The following PER2 variants were observed in gnomAD, a reference collection of about 807,000 sequenced individuals.
PER2 encodes period circadian regulator 2, also known as period circadian protein homolog 2.
Under a neutral mutation model 121.0 loss-of-function variants are expected in PER2, and 66 were observed. The ratio of observed to expected loss-of-function variants is 0.55; its 90% confidence interval spans 0.45 to 0.67. The LOEUF (loss-of-function observed/expected upper bound fraction) is 0.67, where lower values mean the gene tolerates loss of function less well. Among genes scored for constraint, PER2 ranks in the 30% least tolerant of loss-of-function variants. The pLI is 0.00. For synonymous variants in PER2, 684 were observed against 659.9 expected, an observed-to-expected ratio of 1.04 and a Z score of -0.56; for missense variants, 1,521 against 1,635.0, an observed-to-expected ratio of 0.93 and a Z score of 1.20.
chr2:238,262,088 G>C, intron 11 of PER2, 103 bp downstream of exon 11: 1 of 1,173,062 alleles, frequency 8.5e-7, no homozygotes, highest in South Asian at 1.2e-5. Flanking sequence ...TTTCGGTCTT[G>C]GCCTCTCAGC....
At chr2:238,288,975 C>G (rs542051392), upstream of PER2, among the ~76,000 whole-genome samples, 2 of 152,334 alleles carry the variant, frequency 1.3e-5, no homozygotes, top group South Asian at 4.1e-4. Context: ...TCGTCGGTTC[C>G]TCAATGGAGA....
At chr2:238,278,922 T>C (rs1696544201) in intron 1 of PER2, among the ~76,000 whole-genome samples, 1 of 152,200 alleles carries the variant, frequency 6.6e-6, no homozygotes, top group South Asian at 2.1e-4. Flanking sequence ...CAGCTTGCAT[T>C]TGGACAGGCT....
At chr2:238,297,187 G>A in the PER2 span, among the ~76,000 whole-genome samples, 2,130 of 152,244 alleles carry the variant, frequency 0.014, 61 homozygotes, top group African/African-American at 0.05. Context: ...CACGCTCTGC[G>A]GCTGGCCAAA....
the PER2 span, chr2:238,298,430 C>T: frequency 6.6e-6 from 1 of 152,254 alleles, no homozygotes; most frequent in South Asian, 2.1e-4. Context: ...AGCCGACCCT[C>T]ACTCAAGGCT....
In PER2 at chr2:238,253,349, G is replaced by T; in HGVS notation, c.2674C>A (p.Gln892Lys). The T allele has an allele frequency of 1.2e-6, 2 of 1,613,636 alleles. No individual in the cohort carries two copies. The highest frequency in any genetic ancestry group is 1.7e-6 in the Non-Finnish European group (2 of 1,179,752). Reference sequence around the variant, plus strand: ...AAAGGGGCAGGGAAAGGTGGGGGCTGGACTGCAAACTGGTGCTGGAGGTCC... The same window carrying T: ...AAAGGGGCAGGGAAAGGTGGGGGCTTGACTGCAAACTGGTGCTGGAGGTCC... ...PVDLQHQFAV[Q>K]PPPFPAPLAP... Residue 892 changes from glutamine to lysine, a missense_variant, in exon 19 of 23, where the codon CAG (glutamine) becomes AAG (lysine). By Grantham distance (53) the Gln-to-Lys change is moderately conservative. Transcript: ENST00000254657. The surrounding 1 kb of genome is among the most constrained non-coding windows in gnomAD (Gnocchi z 5.6).
intron 1 of PER2, among the ~76,000 whole-genome samples, chr2:238,283,623 C>CG (rs1559337750): frequency 6.6e-6 from 1 of 152,196 alleles, no homozygotes; most frequent in Non-Finnish European, 1.5e-5. Context: ...GAGTGCCTTG[C>CG]GGGGGCAGTC....
chr2:238,286,477 T>C (rs1696792468), intron 1 of PER2, among the ~76,000 whole-genome samples: 1 of 151,532 alleles, frequency 6.6e-6, no homozygotes. Flanking sequence ...ATGAGCATAA[T>C]GAGTTGAAAG....
At chr2:238,256,747 T>C (rs1695773815) in intron 17 of PER2, among the ~76,000 whole-genome samples, 175 bp downstream of exon 17, 1 of 152,270 alleles carries the variant, frequency 6.6e-6, no homozygotes, top group South Asian at 2.1e-4. Flanking sequence ...GGTTGCTGCC[T>C]GGGCCCTGGC....
Position 238,268,295 on chromosome 2 carries a change from G to A in PER2, c.825-97C>T, listed in dbSNP as rs1458328779. On this transcript the variant is annotated intron_variant, in intron 7 of 22. Transcript: ENST00000254657. This position sits in a 1 kb window ranked among gnomAD's most constrained non-coding sequence, Gnocchi z 4.0. Reference sequence around the variant, plus strand: ...ACCTGGGCCCCATGCCATGCTGCAGGTGATGTGTACCTCTGCTCTGCCTGA... The same window carrying A: ...ACCTGGGCCCCATGCCATGCTGCAGATGATGTGTACCTCTGCTCTGCCTGA... 1 of 1,275,442 alleles carries A rather than the reference G, an allele frequency of 7.8e-7. No homozygotes were observed. The highest frequency in any genetic ancestry group is 2.4e-5 in the East Asian group (1 of 41,272). The allele number at this position is 1,275,442 out of a possible 1,614,324, so 79.0% of individuals were successfully genotyped here.
rs35572922 is a variant in PER2, at chr2:238,277,924, C to G, written c.13G>C (p.Ala5Pro). The change falls in exon 2 of 23, where the codon GCG (alanine) becomes CCG (proline). Residue 5 changes from alanine to proline, a missense_variant. Coordinates refer to ENST00000254657, the MANE Select transcript of PER2 (RefSeq NM_022817.3). MNGY[A>P]EFPPSPSNPT... ...TTACTGGGGCTGGGCGGAAATTCCG[C>G]GTATCCATTCATGCTGGGCTCTGGA... 1.2e-6 allele frequency: 2 copies of G among 1,613,560 alleles called. No homozygotes were observed. Among genetic ancestry groups the G allele is most frequent in the African/African-American group, 1.3e-5 (1 of 74,934 alleles).
In PER2 at chr2:238,268,303, T is replaced by C. The variant is rs911081971; in HGVS notation, c.825-105A>G. ...CCCATGCCATGCTGCAGGTGATGTG[T>C]ACCTCTGCTCTGCCTGAGGAGCTGG... On this transcript the variant is annotated intron_variant, in intron 7 of 22. Coordinates refer to ENST00000254657, the MANE Select transcript of PER2 (RefSeq NM_022817.3). This position sits in a 1 kb window ranked among gnomAD's most constrained non-coding sequence, Gnocchi z 4.0. The C allele has an allele frequency of 2.5e-6, 3 of 1,187,710 alleles. No individual in the cohort carries two copies. The Admixed American group carries it at 5.7e-5, about 22-fold the overall frequency. 73.6% of individuals were successfully genotyped at this position (1,187,710 alleles called of 1,614,324 possible).
At chr2:238,296,956 C>T in the PER2 span, among the ~76,000 whole-genome samples, 2 of 152,212 alleles carry the variant, frequency 1.3e-5, no homozygotes, top group Non-Finnish European at 2.9e-5. Context: ...GGGCCCTCCT[C>T]GCGGGGGACA....
chr2:238,275,827 G>A lies in PER2; in HGVS notation c.364C>T (p.Leu122Phe). 6.2e-7 allele frequency: 1 copy of A among 1,614,168 alleles called. No individual in the cohort carries two copies. Among genetic ancestry groups the A allele is most frequent in the Non-Finnish European group, 8.5e-7 (1 of 1,179,944 alleles). Residue 122 changes from leucine to phenylalanine, a missense_variant, in exon 4 of 23, where the codon CTC becomes TTC. Transcript: ENST00000254657. ...IKTLKELKVHLPADKKAKGKA... is the reference protein window; with the variant it reads ...IKTLKELKVHFPADKKAKGKA... ...CCCTTGGCCTTCTTGTCTGCAGGGAGGTGGACCTTCAGCTCCTTTAGTGTT... is the reference window on the plus strand; with the variant it reads ...CCCTTGGCCTTCTTGTCTGCAGGGAAGTGGACCTTCAGCTCCTTTAGTGTT...
chr2:238,292,373 C>T (rs1012671661), upstream of PER2, among the ~76,000 whole-genome samples: 6 of 152,220 alleles, frequency 3.9e-5, no homozygotes, highest in South Asian at 2.1e-4. Context: ...CATCTTTCTT[C>T]GCCTCACCCT....
At chr2:238,258,440 A>G (rs1695827278) in intron 15 of PER2, 40 bp from the exon 16 acceptor site, 2 of 1,614,122 alleles carry the variant, frequency 1.2e-6, no homozygotes, top group Non-Finnish European at 1.7e-6. Context: ...GCCACACAAC[A>G]TGAGAGGAGG....
At chr2:238,249,770 C>T (rs953667307) in intron 21 of PER2, among the ~76,000 whole-genome samples, 2 of 152,208 alleles carry the variant, frequency 1.3e-5, no homozygotes, top group African/African-American at 2.4e-5. Context: ...AGTTGTAACG[C>T]GATCTGATGG....
Position 238,253,599 on chromosome 2 carries a change from A to C in PER2, c.2424T>G (p.Ser808=). Reference sequence around the variant, plus strand: ...CGGGCCCCCCAGATCCGGTGCTCTCAGATGAGTCTCGAGGTTTGACCCGCT... The same window carrying C: ...CGGGCCCCCCAGATCCGGTGCTCTCCGATGAGTCTCGAGGTTTGACCCGCT... The part of the protein sequence containing the change: ...KSKRVKPRDS[S]ESTGSGGPVS... The change falls in exon 19 of 23, where the codon TCT becomes TCG. Residue 808 remains serine (S), a synonymous_variant. Coordinates refer to ENST00000254657, the MANE Select transcript of PER2 (RefSeq NM_022817.3). The surrounding 1 kb of genome is among the most constrained non-coding windows in gnomAD (Gnocchi z 5.6). The C allele has an allele frequency of 6.2e-7, 1 of 1,610,348 alleles. No homozygotes were observed. Among genetic ancestry groups the C allele is most frequent in the Non-Finnish European group, 8.5e-7 (1 of 1,178,358 alleles).
At chr2:238,250,527 C>G (rs753533967) in intron 21 of PER2, 24 bp downstream of exon 21, 2 of 1,580,958 alleles carry the variant, frequency 1.3e-6, no homozygotes, top group Middle Eastern at 2.0e-4. Context: ...TCCCCAGGTG[C>G]CTAGGAAAAC....
At position 238,277,861 on chromosome 2, in the gene PER2, C is replaced by T. The variant is rs749371244; in HGVS notation, c.76G>A (p.Val26Ile). The T allele has an allele frequency of 2.5e-6, 4 of 1,614,182 alleles. No individual in the cohort carries two copies. Among genetic ancestry groups the T allele is most frequent in the South Asian group, 1.1e-5 (1 of 91,082 alleles). Residue 26 changes from valine to isoleucine, a missense_variant, in exon 2 of 23, where the codon GTC becomes ATC. Coordinates refer to ENST00000254657, the MANE Select transcript of PER2 (RefSeq NM_022817.3). ...KEPVEPQPSQ[V>I]PLQEDVDMSS... The stretch of plus-strand genomic sequence containing the variant: ...ATGTCCACATCTTCCTGCAGTGGGA[C>T]CTGGCTGGGCTGGGGCTCCACGGGC...
Sources: gnomAD v4.1 joint callset for allele counts (sites outside exome capture counted in the v4.1 genomes callset) on GRCh38, gnomAD v4.1.1 for gene constraint, Gnocchi (gnomAD v3.1) non-coding constraint, MANE v1.5 for transcripts, NCBI Gene and HGNC (gene_info 2026-07-23, HGNC 2026-07-21) for gene names.